The following RTN1 variants were observed in gnomAD, a reference collection of about 807,000 sequenced individuals.
RTN1 encodes the protein reticulon 1.
RTN1 carries 25 observed loss-of-function variants against 65.5 expected under a neutral mutation model. That is an observed-to-expected ratio of 0.38 (90% CI 0.28 to 0.53). The LOEUF (loss-of-function observed/expected upper bound fraction) is 0.53. RTN1 is among the 20% of genes least tolerant of loss of function. The probability of loss-of-function intolerance (pLI) is 0.79; values close to 1 mark genes in which losing one functional copy is unlikely to be tolerated. For missense variants in RTN1, 983 were observed against 1,025.4 expected, an observed-to-expected ratio of 0.96 and a Z score of 0.57; for synonymous variants, 471 against 447.6, an observed-to-expected ratio of 1.05 and a Z score of -0.66.
intron 1 of RTN1, among the ~76,000 whole-genome samples, chr14:59,854,623 G>T (rs527687474): frequency 9.2e-6 from 1 of 108,506 alleles, no homozygotes; most frequent in South Asian, 3.4e-4. Context: ...CCTGGAGACA[G>T]AGCAAGACTG....
intron 3 of RTN1, among the ~76,000 whole-genome samples, chr14:59,691,810 A>C (rs1192325367): frequency 6.6e-6 from 1 of 152,220 alleles, no homozygotes; most frequent in African/African-American, 2.4e-5. Context: ...GATTCACTAC[A>C]TAAACAGAAT....
intron 3 of RTN1, among the ~76,000 whole-genome samples, chr14:59,702,207 G>T (rs1292345700): frequency 6.6e-6 from 1 of 152,070 alleles, no homozygotes; most frequent in Non-Finnish European, 1.5e-5. Flanking sequence ...GCCTTTAATT[G>T]CCTTCCCAGA....
intron 3 of RTN1, among the ~76,000 whole-genome samples, chr14:59,726,713 G>C (rs1396095328): frequency 1.3e-5 from 2 of 152,148 alleles, no homozygotes; most frequent in African/African-American, 4.8e-5. Context: ...GAGTTGCCCT[G>C]AGCACGCGGT....
At chr14:59,807,233 G>A (rs1207809743) in intron 1 of RTN1, among the ~76,000 whole-genome samples, 2 of 152,184 alleles carry the variant, frequency 1.3e-5, no homozygotes, top group Non-Finnish European at 2.9e-5. Context: ...AGCTGAATTT[G>A]TAAAGTAAAT....
intron 3 of RTN1, among the ~76,000 whole-genome samples, chr14:59,696,600 G>C (rs1163714698): frequency 6.6e-6 from 1 of 152,022 alleles, no homozygotes; most frequent in African/African-American, 2.4e-5. Flanking sequence ...TGGCAGGCTG[G>C]GGGACAAATC....
At position 59,852,138 on chromosome 14, in the gene RTN1, T is replaced by C. The variant is rs781544499; in HGVS notation, c.241+18252A>G. Among the ~76,000 whole-genome samples, 10 of 152,290 alleles carry C rather than the reference T, an allele frequency of 6.6e-5. No individual in the cohort carries two copies. In the South Asian group the frequency reaches 8.3e-4, roughly 13 times the overall value. Reference sequence around the variant, plus strand: ...TATAATAAAAGGTTTGCTAAACAAATTGATAGTATAGTAAGTAGTGGCCAC... The same window carrying C: ...TATAATAAAAGGTTTGCTAAACAAACTGATAGTATAGTAAGTAGTGGCCAC... On this transcript the variant is annotated intron_variant, in intron 1 of 8. Transcript: ENST00000267484.
At chr14:59,668,255 T>G (rs991975311) in intron 3 of RTN1, among the ~76,000 whole-genome samples, 2 of 151,828 alleles carry the variant, frequency 1.3e-5, no homozygotes, top group African/African-American at 4.8e-5. Context: ...CCAAAACAGA[T>G]TTATAGACCA....
At chr14:59,690,532 T>C (rs1478962296) in intron 3 of RTN1, among the ~76,000 whole-genome samples, 1 of 151,948 alleles carries the variant, frequency 6.6e-6, no homozygotes, top group Admixed American at 6.6e-5. Context: ...TATTAGATAA[T>C]AGAGGCAGAA....
At chr14:59,792,808 AT>A (rs1886372962) in intron 1 of RTN1, among the ~76,000 whole-genome samples, 2 of 152,290 alleles carry the variant, frequency 1.3e-5, no homozygotes, top group African/African-American at 4.8e-5. Flanking sequence ...TTCTTTCCAG[AT>A]TTCCTAGGAG....
At chr14:59,729,364 G>C (rs1222967909) in intron 2 of RTN1, among the ~76,000 whole-genome samples, 1 of 146,774 alleles carries the variant, frequency 6.8e-6, no homozygotes, top group Non-Finnish European at 1.5e-5. Flanking sequence ...GCAGAGGAAG[G>C]ATATGATCTA....
At chr14:59,854,328 A>C (rs67267322) in intron 1 of RTN1, among the ~76,000 whole-genome samples, 33,623 of 151,802 alleles carry the variant, frequency 0.22, 4,190 homozygotes, top group East Asian at 0.56. Flanking sequence ...TAATGTGCAA[A>C]TTTTACTGCA....
In RTN1 at chr14:59,746,130, T is replaced by C. The variant is rs774918300; in HGVS notation, c.593A>G (p.Asp198Gly). 2 of 1,611,050 alleles carry C rather than the reference T, an allele frequency of 1.2e-6. No homozygotes were observed. The highest frequency in any genetic ancestry group is 1.7e-6 in the Non-Finnish European group (2 of 1,179,034). Residue 198 changes from aspartate (D) to glycine (G), a missense_variant, in exon 2 of 9, where the codon GAC (aspartate) becomes GGC (glycine). Physicochemically the swap from Asp to Gly is moderately conservative, Grantham distance 94 (BLOSUM62 -1). This residue lies in a region of RTN1 where 818 missense variants were observed against 801.8 expected (regional missense o/e 1.02). Transcript: ENST00000267484. ...QMKAEAYKYIDITRPEEVKHQ... is the reference protein window; with the variant it reads ...QMKAEAYKYIGITRPEEVKHQ... ...CTTCACCTCCTCGGGTCTGGTTATG[T>C]CAATGTATTTATAGGCCTCTGCTTT...
chr14:59,663,646 A>C (rs7147540), intron 3 of RTN1, among the ~76,000 whole-genome samples: 2,969 of 151,508 alleles, frequency 0.02, 87 homozygotes, highest in African/African-American at 0.067. Context: ...GAAAAAAAAA[A>C]CCATCAAAAA....
At chr14:59,743,724 C>T (rs1885159211) in intron 2 of RTN1, among the ~76,000 whole-genome samples, 1 of 113,210 alleles carries the variant, frequency 8.8e-6, no homozygotes, top group African/African-American at 5.0e-5. Context: ...CCCTTCACCT[C>T]TTTGTTTCCC....
intron 3 of RTN1, among the ~76,000 whole-genome samples, chr14:59,636,881 T>C (rs1882677257): frequency 6.6e-6 from 1 of 152,252 alleles, no homozygotes; most frequent in Non-Finnish European, 1.5e-5. Flanking sequence ...AATAATCTTC[T>C]GAGCCTTCAG....
intron 1 of RTN1, among the ~76,000 whole-genome samples, chr14:59,852,778 C>A (rs1887532338): frequency 6.6e-6 from 1 of 152,170 alleles, no homozygotes; most frequent in Admixed American, 6.5e-5. Flanking sequence ...GCCACAAATT[C>A]AGTTAGAGTA....
chr14:59,691,764 A>C (rs1307624075), intron 3 of RTN1, among the ~76,000 whole-genome samples: 2 of 152,130 alleles, frequency 1.3e-5, no homozygotes, highest in Non-Finnish European at 2.9e-5. Context: ...TTCCTGGGAC[A>C]CTGGGTTGAT....
intron 1 of RTN1, among the ~76,000 whole-genome samples, chr14:59,850,985 T>C (rs770586839): frequency 2.0e-5 from 3 of 152,220 alleles, no homozygotes; most frequent in African/African-American, 4.8e-5. Flanking sequence ...TTCAGTTTTA[T>C]TTATATACAG....
intron 1 of RTN1, among the ~76,000 whole-genome samples, chr14:59,757,226 T>C (rs573773919): frequency 1.3e-5 from 2 of 152,202 alleles, no homozygotes; most frequent in South Asian, 4.1e-4. Flanking sequence ...GAGGCTGATA[T>C]AGTTTGGCTG....
Sources: gnomAD v4.1 joint callset for allele counts (sites outside exome capture counted in the v4.1 genomes callset) on GRCh38, gnomAD v4.1.1 for gene constraint, gnomAD v4.1.1 regional missense constraint, MANE v1.5 for transcripts, NCBI Gene and HGNC (gene_info 2026-07-23, HGNC 2026-07-21) for gene names.